Variants in ITGBL1 observed in about 807,000 individuals in gnomAD.
The protein encoded by ITGBL1 is integrin subunit beta like 1.
ITGBL1 carries 51 observed loss-of-function variants against 68.5 expected under a neutral mutation model. The ratio of observed to expected loss-of-function variants is 0.74; its 90% CI spans 0.59 to 0.94. ITGBL1 has a LOEUF of 0.94. Among genes scored for constraint, ITGBL1 ranks in the 40% least tolerant of loss-of-function variants. ITGBL1 has a pLI of 0.00. For synonymous variants in ITGBL1, 209 were observed against 227.3 expected (o/e 0.92, Z 0.72); for missense variants, 649 against 647.4 (o/e 1.00, Z -0.03).
At chr13:101,711,684 G>A (rs2034473460) in intron 9 of ITGBL1, 1 of 152,104 alleles carries the variant, frequency 6.6e-6, no homozygotes, top group Non-Finnish European at 1.5e-5. Flanking sequence ...CATCTTTGAA[G>A]GTAAAATTTC....
intron 7 of ITGBL1, among the ~76,000 whole-genome samples, chr13:101,675,298 T>C (rs540093743): frequency 4.5e-4 from 69 of 152,320 alleles, no homozygotes; most frequent in Admixed American, 4.2e-3. Context: ...ATTCTCTTTA[T>C]GTTCCATGTC....
Position 101,715,535 on chromosome 13 carries a change from C to T in ITGBL1, c.1394-28C>T, listed in dbSNP as rs2034678832. ...AAATTTGGCACATTTTGATCATAAT[C>T]ATGATACCTATATGTATTTTATTGC... is the stretch of plus-strand genomic sequence containing the variant. On this transcript the variant is annotated intron_variant, in intron 10 of 10. Transcript: ENST00000376180. 3 of 1,486,300 alleles carry T rather than the reference C, an allele frequency of 2.0e-6. No homozygotes were observed. In the East Asian group the frequency reaches 6.8e-5, roughly 34 times the overall value. 92.1% of individuals were successfully genotyped at this position (1,486,300 alleles called of 1,614,324 possible). A position where few individuals can be genotyped will look rare whatever the true frequency, so the allele number is the denominator to read the frequency against.
At chr13:101,711,196 A>G (rs888958557) in intron 9 of ITGBL1, 21 of 152,220 alleles carry the variant, frequency 1.4e-4, no homozygotes, top group African/African-American at 5.1e-4. Context: ...AGACTACACA[A>G]TTATATCTTT....
At chr13:101,533,531 A>C (rs558805280) in intron 2 of ITGBL1, among the ~76,000 whole-genome samples, 1 of 152,336 alleles carries the variant, frequency 6.6e-6, no homozygotes, top group African/African-American at 2.4e-5. Context: ...GAGATACGTA[A>C]TCCTTCAAGT....
At chr13:101,593,427 A>G (rs2050690527) in intron 6 of ITGBL1, among the ~76,000 whole-genome samples, 1 of 152,090 alleles carries the variant, frequency 6.6e-6, no homozygotes, top group Non-Finnish European at 1.5e-5. Flanking sequence ...TACTAGATAT[A>G]TATCCAAAAG....
At chr13:101,488,677 C>T (rs1257171928) in intron 2 of ITGBL1, among the ~76,000 whole-genome samples, 4 of 152,102 alleles carry the variant, frequency 2.6e-5, no homozygotes, top group Non-Finnish European at 4.4e-5. Context: ...TTCGTGAACC[C>T]CCCACTACAA....
Position 101,604,875 on chromosome 13 carries a change from T to TACACACACAC in ITGBL1, c.1015+6577_1015+6578insCACACACACA, listed in dbSNP as rs1425746436. 2.5e-4 allele frequency among the ~76,000 whole-genome samples: 5 copies of TACACACACAC among 20,320 alleles called. No homozygotes were observed. In the East Asian group the frequency reaches 0.011, roughly 44 times the overall value. 13.3% of individuals were successfully genotyped at this position (20,320 alleles called of 152,430 possible). A position where few individuals can be genotyped will look rare whatever the true frequency, so the allele number is the denominator to read the frequency against. On this transcript the variant is annotated intron_variant, in intron 7 of 10. Coordinates refer to ENST00000376180, the MANE Select transcript of ITGBL1 (RefSeq NM_004791.3). ...ATATATATATATATATATATATATA[T>TACACACACAC]ATATATATATATACACACACACACA...
At chr13:101,651,624 T>C (rs1207903302) in intron 7 of ITGBL1, among the ~76,000 whole-genome samples, 1 of 152,228 alleles carries the variant, frequency 6.6e-6, no homozygotes, top group Non-Finnish European at 1.5e-5. Flanking sequence ...GTAGGTTGTG[T>C]GTTCACTCTG....
At chr13:101,527,918 C>T (rs1278573569) in intron 2 of ITGBL1, among the ~76,000 whole-genome samples, 4 of 151,852 alleles carry the variant, frequency 2.6e-5, no homozygotes, top group African/African-American at 9.7e-5. Flanking sequence ...TGATAGGAAT[C>T]CTTTGGCAGG....
At chr13:101,583,976 A>C (rs1222343793) in intron 6 of ITGBL1, among the ~76,000 whole-genome samples, 2 of 152,130 alleles carry the variant, frequency 1.3e-5, no homozygotes, top group African/African-American at 2.4e-5. Flanking sequence ...GACAATGAAC[A>C]GGATAGTTAT....
chr13:101,632,181 C>T (rs775357821), intron 7 of ITGBL1, among the ~76,000 whole-genome samples: 1 of 151,538 alleles, frequency 6.6e-6, no homozygotes, highest in Admixed American at 6.6e-5. Flanking sequence ...ATAAGCTATA[C>T]CTAAAATATA....
At chr13:101,608,342 G>C (rs2030970538) in intron 7 of ITGBL1, among the ~76,000 whole-genome samples, 1 of 150,866 alleles carries the variant, frequency 6.6e-6, no homozygotes, top group South Asian at 2.1e-4. Context: ...TTATTTTTCA[G>C]AGAAGTTTTC....
At chr13:101,541,893 G>T (rs979239860) in intron 2 of ITGBL1, among the ~76,000 whole-genome samples, 33 of 152,224 alleles carry the variant, frequency 2.2e-4, no homozygotes, top group South Asian at 8.3e-4. Context: ...TGTGGGTTTG[G>T]TGGTGATATC....
At chr13:101,644,010 CTT>C (rs537566472) in intron 7 of ITGBL1, among the ~76,000 whole-genome samples, 4 of 152,122 alleles carry the variant, frequency 2.6e-5, no homozygotes, top group Non-Finnish European at 5.9e-5. Context: ...TCTGGAAACT[CTT>C]TGAAAAGTGG....
At chr13:101,711,037 G>A (rs2034442033) in intron 9 of ITGBL1, 1 of 152,156 alleles carries the variant, frequency 6.6e-6, no homozygotes, top group African/African-American at 2.4e-5. Context: ...AAGGTGCCTT[G>A]CCCTTAGACT....
intron 7 of ITGBL1, among the ~76,000 whole-genome samples, chr13:101,634,897 G>A (rs778978513): frequency 5.9e-5 from 9 of 151,658 alleles, no homozygotes; most frequent in East Asian, 1.9e-4. Context: ...TCTAAGACCC[G>A]AATGAACTAA....
At chr13:101,581,006 G>A (rs1466241518) in intron 5 of ITGBL1, among the ~76,000 whole-genome samples, 1 of 146,700 alleles carries the variant, frequency 6.8e-6, no homozygotes, top group East Asian at 2.0e-4. Flanking sequence ...GCGCTGAGAT[G>A]AGTCATTTTT....
At chr13:101,589,201 C>G (rs1281575662) in intron 6 of ITGBL1, among the ~76,000 whole-genome samples, 3 of 152,110 alleles carry the variant, frequency 2.0e-5, no homozygotes, top group Non-Finnish European at 4.4e-5. Flanking sequence ...TAGGCAATAC[C>G]ATTGTCGATA....
intron 7 of ITGBL1, among the ~76,000 whole-genome samples, chr13:101,664,220 G>A (rs2033157689): frequency 6.6e-6 from 1 of 152,098 alleles, no homozygotes; most frequent in Non-Finnish European, 1.5e-5. Flanking sequence ...AAAATTATTA[G>A]GAGAAGGAGA....
Sources: gnomAD v4.1 joint callset for allele counts (sites outside exome capture counted in the v4.1 genomes callset) on GRCh38, gnomAD v4.1.1 for gene constraint, MANE v1.5 for transcripts, NCBI Gene and HGNC (gene_info 2026-07-23, HGNC 2026-07-21) for gene names.